The following DCHS1 variants were observed in gnomAD, a reference collection of about 807,000 sequenced individuals.
DCHS1 encodes the protein dachsous cadherin-related 1, also known as protocadherin-16.
A neutral mutation model predicts 213.9 loss-of-function variants in DCHS1; 78 were observed. The ratio of observed to expected loss-of-function variants is 0.36; its 90% confidence interval spans 0.30 to 0.44. The LOEUF (loss-of-function observed/expected upper bound fraction) is 0.44. DCHS1 is among the 20% of genes least tolerant of loss of function. The pLI, the probability that DCHS1 is intolerant of heterozygous loss-of-function variation, is 1.00. For missense variants in DCHS1, 3,946 were observed against 4,395.9 expected, an observed-to-expected ratio of 0.90 and a Z score of 2.89; for synonymous variants, 1,828 against 1,873.7, an observed-to-expected ratio of 0.98 and a Z score of 0.63.
rs200490566 is a variant in DCHS1 at position 6,634,651 on chromosome 11, A to ACAT, written c.1798-348_1798-346dup. On this transcript the variant is annotated intron_variant, in intron 2 of 20. Coordinates refer to ENST00000299441, the MANE Select transcript of DCHS1 (RefSeq NM_003737.4). ...CTCATGCCTGAATAAAGCTTATCTA[A>ACAT]CATATGTATTTTCTCCATACAACAC... Among the ~76,000 whole-genome samples the ACAT allele has an allele frequency of 9.3e-3, 1,419 of 152,304 alleles. 22 individuals are homozygous for ACAT. Among genetic ancestry groups the ACAT allele is most frequent in the African/African-American group, 0.032 (1,340 of 41,546 alleles).
chr11:6,628,917 G>A lies in DCHS1; in HGVS notation c.5162-87C>T, dbSNP rs1589955206. 2.1e-6 allele frequency: 3 copies of A among 1,396,594 alleles called. No homozygotes were observed. In the East Asian group the frequency reaches 7.5e-5, roughly 35 times the overall value. The allele number at this position is 1,396,594 out of a possible 1,614,324, so 86.5% of individuals were successfully genotyped here. On this transcript the variant is annotated intron_variant, in intron 12 of 20. Coordinates refer to ENST00000299441, the MANE Select transcript of DCHS1 (RefSeq NM_003737.4). The surrounding 1 kb of genome is among the most constrained non-coding windows in gnomAD (Gnocchi z 4.3). ...ACACAGTGTTCATACATGTTCACTAGGTGCACACAAACCAGAAAATGTCCA... is the reference window on the plus strand; with the variant it reads ...ACACAGTGTTCATACATGTTCACTAAGTGCACACAAACCAGAAAATGTCCA...
Position 6,628,966 on chromosome 11 carries a change from CAT to C in DCHS1, c.5162-138_5162-137del, listed in dbSNP as rs1390092039. ...CATCTCTCCATACCTCTCAGGCACACATGTGTCATGCATACATAAACATACAT... is the reference window on the plus strand; with the variant it reads ...CATCTCTCCATACCTCTCAGGCACACGTGTCATGCATACATAAACATACAT... On this transcript the variant is annotated intron_variant, in intron 12 of 20. Coordinates refer to ENST00000299441, the MANE Select transcript of DCHS1 (RefSeq NM_003737.4). The surrounding 1 kb of genome is among the most constrained non-coding windows in gnomAD (Gnocchi z 4.3). 5.0e-5 allele frequency: 44 copies of C among 885,564 alleles called. No individual in the cohort carries two copies. The highest frequency in any genetic ancestry group is 2.7e-4 in the Middle Eastern group (1 of 3,670). 54.9% of individuals were successfully genotyped at this position (885,564 alleles called of 1,614,324 possible).
At chr11:6,643,636 G>A (rs188588943) in intron 1 of DCHS1, among the ~76,000 whole-genome samples, 52 of 152,288 alleles carry the variant, frequency 3.4e-4, no homozygotes, top group Admixed American at 3.3e-4. Flanking sequence ...GTCCTGGGCA[G>A]TGTCTTTTCC....
rs141520138 is a variant in DCHS1 at position 6,632,812 on chromosome 11, C to T, written c.2700G>A (p.Thr900=). Residue 900 remains threonine (T), a synonymous_variant, in exon 6 of 21, where the codon ACG becomes ACA. Coordinates refer to ENST00000299441, the MANE Select transcript of DCHS1 (RefSeq NM_003737.4). The surrounding 1 kb of genome is among the most constrained non-coding windows in gnomAD (Gnocchi z 5.9). The part of the protein sequence containing the change: ...NSPAFPAPED[T]VLLPPNTAPG... ...GGGCAGTGTTTGGTGGTAGCAATACCGTGTCTTCAGGTGCAGGAAAGGCAG... is the reference window on the plus strand; with the variant it reads ...GGGCAGTGTTTGGTGGTAGCAATACTGTGTCTTCAGGTGCAGGAAAGGCAG... 1,458 of 1,613,942 alleles carry T rather than the reference C, an allele frequency of 9.0e-4. 6 individuals are homozygous for T. The highest frequency in any genetic ancestry group is 6.3e-4 in the Non-Finnish European group (742 of 1,179,854).
intron 1 of DCHS1, among the ~76,000 whole-genome samples, chr11:6,654,880 G>A (rs1169864681): frequency 6.6e-6 from 1 of 151,976 alleles, no homozygotes; most frequent in African/African-American, 2.4e-5. Flanking sequence ...CTCCACGTGG[G>A]ACCCACGCCT....
Position 6,623,911 on chromosome 11 carries a change from T to C in DCHS1, c.7765A>G (p.Thr2589Ala). The C allele has an allele frequency of 6.2e-7, 1 of 1,608,816 alleles. No individual in the cohort carries two copies. The highest frequency in any genetic ancestry group is 1.1e-5 in the South Asian group (1 of 90,848). The change falls in exon 21 of 21, where the codon ACT becomes GCT. Residue 2589 changes from threonine to alanine, a missense_variant. Physicochemically the swap from Thr to Ala is moderately conservative, Grantham distance 58. This residue lies in a region of DCHS1 where 3,384 missense variants were observed against 3,780.1 expected (regional missense o/e 0.90). Coordinates refer to ENST00000299441, the MANE Select transcript of DCHS1 (RefSeq NM_003737.4). ...TCATTGACATCTAGTACAGTGACAG[T>C]GACTGGCACGACTGAGCTTTGGGGT... The part of the protein sequence containing the change: ...QPPQSSVVPV[T>A]VTVLDVNDNP...
intron 1 of DCHS1, among the ~76,000 whole-genome samples, chr11:6,645,760 C>T (rs999523201): frequency 1.3e-5 from 2 of 152,150 alleles, no homozygotes; most frequent in Non-Finnish European, 2.9e-5. Flanking sequence ...ACGGTGGACA[C>T]GCAAAGGTGC....
intron 2 of DCHS1, among the ~76,000 whole-genome samples, chr11:6,637,721 T>C (rs969750723): frequency 2.6e-5 from 4 of 151,990 alleles, no homozygotes; most frequent in African/African-American, 9.7e-5. Context: ...ATACTGCCTA[T>C]CTGTACCTCA....
In DCHS1 at chr11:6,626,115, G is replaced by C; in HGVS notation, c.6577-41C>G. 3.1e-6 allele frequency: 5 copies of C among 1,597,628 alleles called. No homozygotes were observed. The highest frequency in any genetic ancestry group is 4.3e-6 in the Non-Finnish European group (5 of 1,172,000). ...GGCTGCTGGGACTGGTCTGGCCACAGACAAGTCTGACTAGCCCTGCTCCCC... is the reference window on the plus strand; with the variant it reads ...GGCTGCTGGGACTGGTCTGGCCACACACAAGTCTGACTAGCCCTGCTCCCC... On this transcript the variant is annotated intron_variant, in intron 16 of 20. Coordinates refer to ENST00000299441, the MANE Select transcript of DCHS1 (RefSeq NM_003737.4). The surrounding 1 kb of genome is among the most constrained non-coding windows in gnomAD (Gnocchi z 5.2).
chr11:6,638,010 A>T (rs1038475826), intron 2 of DCHS1, among the ~76,000 whole-genome samples: 1 of 152,158 alleles, frequency 6.6e-6, no homozygotes, highest in Non-Finnish European at 1.5e-5. Flanking sequence ...CCACCTGGAG[A>T]GTTGCCCTCT....
Position 6,639,811 on chromosome 11 carries a change from A to T in DCHS1, c.1797+6T>A, listed in dbSNP as rs762697086. 1.9e-6 allele frequency: 3 copies of T among 1,583,660 alleles called. No individual in the cohort carries two copies. The highest frequency in any genetic ancestry group is 3.4e-4 in the Middle Eastern group (2 of 5,948). ...CACTATCTTGCTATGTGCCAGGCCTACCCACCTGCAGGAAGCAAGTTCCAG... is the reference window on the plus strand; with the variant it reads ...CACTATCTTGCTATGTGCCAGGCCTTCCCACCTGCAGGAAGCAAGTTCCAG... On this transcript the variant is annotated splice_donor_region_variant and intron_variant, in intron 2 of 20. Transcript: ENST00000299441.
intron 2 of DCHS1, among the ~76,000 whole-genome samples, chr11:6,637,880 C>T (rs1443768736): frequency 6.6e-6 from 1 of 152,108 alleles, no homozygotes; most frequent in African/African-American, 2.4e-5. Flanking sequence ...ACATGGTAGA[C>T]ATTCAATACA....
At position 6,627,682 on chromosome 11, in the gene DCHS1, A is replaced by G. The variant is rs770395118; in HGVS notation, c.5372-15T>C. ...TGGGTCCCCATCTGCAGAGAAGGGC[A>G]TGCACATATAAATATACATGTGTCG... On this transcript the variant is annotated splice_polypyrimidine_tract_variant and intron_variant, in intron 13 of 20. Coordinates refer to ENST00000299441, the MANE Select transcript of DCHS1 (RefSeq NM_003737.4). The surrounding 1 kb of genome is among the most constrained non-coding windows in gnomAD (Gnocchi z 5.4). 19 of 1,606,636 alleles carry G rather than the reference A, an allele frequency of 1.2e-5. 1 individual carries two copies. The highest frequency in any genetic ancestry group is 1.6e-5 in the Non-Finnish European group (19 of 1,175,266).
chr11:6,649,584 T>C (rs779923199), intron 1 of DCHS1, among the ~76,000 whole-genome samples: 4 of 152,102 alleles, frequency 2.6e-5, no homozygotes, highest in Admixed American at 6.5e-5. Context: ...AACAAATACT[T>C]GTTGAAGACT....
chr11:6,625,291 T>C lies in DCHS1; in HGVS notation c.7053A>G (p.Ala2351=). ...QCDRYQLQLL[A]HDGPHEGRAN... is the part of the protein sequence containing the mutation. ...CACGGCCCTCATGAGGCCCATCATG[T>C]GCCAGCAGCTGCAGCTGGTAGCGGT... The change falls in exon 19 of 21, where the codon GCA becomes GCG. Residue 2351 remains alanine, a synonymous_variant. Transcript: ENST00000299441. This position sits in a 1 kb window ranked among gnomAD's most constrained non-coding sequence, Gnocchi z 5.3. The C allele has an allele frequency of 3.1e-6, 5 of 1,613,864 alleles. No individual in the cohort carries two copies. Among genetic ancestry groups the C allele is most frequent in the Non-Finnish European group, 3.4e-6 (4 of 1,179,884 alleles).
chr11:6,630,010 T>C lies in DCHS1; in HGVS notation c.4784A>G (p.His1595Arg). 2.6e-6 allele frequency: 4 copies of C among 1,565,326 alleles called. No homozygotes were observed. Among genetic ancestry groups the C allele is most frequent in the Non-Finnish European group, 3.5e-6 (4 of 1,151,650 alleles). ...ASGGDGHFRL[H>R]SSTGALSVVR... ...GACCTAACTCTCACCAGTGCTTGAG[T>C]GCAGCCGGAAGTGGCCGTCCCCGCC... The change falls in exon 10 of 21, where the codon CAC (histidine) becomes CGC (arginine). Residue 1595 changes from histidine to arginine, a missense_variant. Physicochemically the swap from His to Arg is conservative, Grantham distance 29. Transcript: ENST00000299441.
intron 1 of DCHS1, among the ~76,000 whole-genome samples, chr11:6,646,588 C>T (rs1398878938): frequency 6.6e-6 from 1 of 152,188 alleles, no homozygotes; most frequent in Non-Finnish European, 1.5e-5. Context: ...CTGCCTCCTG[C>T]CTAGATCTGT....
chr11:6,625,611 A>G lies in DCHS1; in HGVS notation c.6848T>C (p.Leu2283Pro). The G allele has an allele frequency of 6.2e-7, 1 of 1,613,480 alleles. No individual in the cohort carries two copies. Among genetic ancestry groups the G allele is most frequent in the Non-Finnish European group, 8.5e-7 (1 of 1,179,796 alleles). The change falls in exon 18 of 21, where the codon CTC becomes CCC. Residue 2283 changes from leucine (L) to proline (P), a missense_variant. Physicochemically the swap from Leu to Pro is moderately conservative, Grantham distance 98 (BLOSUM62 -3). This residue lies in a region of DCHS1 where 3,384 missense variants were observed against 3,780.1 expected (regional missense o/e 0.90). Transcript: ENST00000299441. This position sits in a 1 kb window ranked among gnomAD's most constrained non-coding sequence, Gnocchi z 5.3. Reference protein sequence around the residue: ...NRPTIPQPWELRVSEDALLGS... With the variant: ...NRPTIPQPWEPRVSEDALLGS... ...CCCAGCCTCACCTTCTGACACTCGGAGCTCCCAGGGTTGGGGGATGGTGGG... is the reference window on the plus strand; with the variant it reads ...CCCAGCCTCACCTTCTGACACTCGGGGCTCCCAGGGTTGGGGGATGGTGGG...
In DCHS1 at chr11:6,640,530, T is replaced by C; in HGVS notation, c.1084A>G (p.Met362Val). 3 of 1,611,530 alleles carry C rather than the reference T, an allele frequency of 1.9e-6. No individual in the cohort carries two copies. Among genetic ancestry groups the C allele is most frequent in the South Asian group, 1.1e-5 (1 of 91,070 alleles). The change falls in exon 2 of 21, where the codon ATG becomes GTG. Residue 362 changes from methionine to valine, a missense_variant. By Grantham distance (21) the Met-to-Val change is conservative (BLOSUM62 1). Coordinates refer to ENST00000299441, the MANE Select transcript of DCHS1 (RefSeq NM_003737.4). This position sits in a 1 kb window ranked among gnomAD's most constrained non-coding sequence, Gnocchi z 6.5. Reference protein sequence around the residue: ...VRDANDNQPSMTVIFLSADGS... With the variant: ...VRDANDNQPSVTVIFLSADGS... Reference sequence around the variant, plus strand: ...TCTGCACTGAGAAAGATGACAGTCATGGAGGGCTGATTGTCATTGGCATCT... The same window carrying C: ...TCTGCACTGAGAAAGATGACAGTCACGGAGGGCTGATTGTCATTGGCATCT...
Sources: allele counts gnomAD v4.1 joint callset (sites outside exome capture counted in the v4.1 genomes callset), GRCh38; gene constraint gnomAD v4.1.1; regional missense constraint gnomAD v4.1.1; non-coding constraint Gnocchi (gnomAD v3.1); transcripts MANE v1.5; gene names NCBI Gene and HGNC (gene_info 2026-07-23, HGNC 2026-07-21).